The following ATG13 variants were observed in gnomAD, a reference collection of about 807,000 sequenced individuals.
ATG13 encodes the protein autophagy related 13.
ATG13 carries 23 observed loss-of-function variants against 65.5 expected under a neutral mutation model. The observed-to-expected ratio is 0.35, with a 90% confidence interval of 0.25 to 0.50. The LOEUF (loss-of-function observed/expected upper bound fraction) is 0.50, where lower values mean the gene tolerates loss of function less well. Among genes scored for constraint, ATG13 ranks in the 20% least tolerant of loss-of-function variants. ATG13 has a pLI of 0.98. For synonymous variants in ATG13, 252 were observed against 245.2 expected (o/e 1.03, Z -0.26); for missense variants, 566 against 677.0 (o/e 0.84, Z 1.82).
chr11:46,662,361 A>G (rs1388354024), intron 11 of ATG13, among the ~76,000 whole-genome samples: 1 of 152,242 alleles, frequency 6.6e-6, no homozygotes, highest in East Asian at 1.9e-4. Flanking sequence ...GGATGGTGAG[A>G]CTAGGCCTTA....
At chr11:46,618,090 C>T (rs1219401032) in intron 1 of ATG13, among the ~76,000 whole-genome samples, 200 bp downstream of exon 1, 1 of 152,190 alleles carries the variant, frequency 6.6e-6, no homozygotes, top group East Asian at 1.9e-4. Flanking sequence ...AGAGAATCCC[C>T]TCCACCCCAG....
intron 7 of ATG13, among the ~76,000 whole-genome samples, 179 bp downstream of exon 7, chr11:46,650,496 G>A (rs1434421386): frequency 2.6e-5 from 4 of 152,204 alleles, no homozygotes; most frequent in Non-Finnish European, 5.9e-5. Flanking sequence ...CCCTTCCAAA[G>A]CCACCAGGTT....
rs1054562482 is a variant in ATG13, at chr11:46,626,179, T to C, written c.-69-3866T>C. On this transcript the variant is annotated intron_variant, in intron 1 of 18. Transcript: ENST00000683050. ...ACCATGTTAGCCAGGATGGTCTTGATCTCCTGACCTTGTGATCCACCCGCC... is the reference window on the plus strand; with the variant it reads ...ACCATGTTAGCCAGGATGGTCTTGACCTCCTGACCTTGTGATCCACCCGCC... Among the ~76,000 whole-genome samples the C allele has an allele frequency of 2.0e-5, 3 of 152,082 alleles. No homozygotes were observed. In the East Asian group the frequency reaches 5.8e-4, roughly 29 times the overall value.
At chr11:46,661,820 G>C (rs976882242) in intron 11 of ATG13, among the ~76,000 whole-genome samples, 7 of 152,132 alleles carry the variant, frequency 4.6e-5, no homozygotes, top group Non-Finnish European at 8.8e-5. Flanking sequence ...GACAGAGCGA[G>C]ATCCTGTCTC....
intron 11 of ATG13, among the ~76,000 whole-genome samples, chr11:46,662,625 A>C (rs1399266376): frequency 6.6e-6 from 1 of 152,222 alleles, no homozygotes; most frequent in East Asian, 1.9e-4. Context: ...ACCTCTGATC[A>C]AGGCTGGTAC....
intron 1 of ATG13, among the ~76,000 whole-genome samples, chr11:46,622,190 T>C (rs2047946090): frequency 6.8e-6 from 1 of 148,020 alleles, no homozygotes; most frequent in African/African-American, 2.5e-5. Flanking sequence ...CAATCTTGGC[T>C]CACTGCAACC....
At chr11:46,661,640 T>A (rs1313047959) in intron 11 of ATG13, among the ~76,000 whole-genome samples, 1 of 151,924 alleles carries the variant, frequency 6.6e-6, no homozygotes, top group Non-Finnish European at 1.5e-5. Flanking sequence ...AAGACCAGCC[T>A]GGGCAACATG....
rs751493349 is a variant in ATG13 at position 46,667,928 on chromosome 11, T to TTA, written c.1251+41_1251+42insTA. On this transcript the variant is annotated intron_variant, in intron 15 of 18. Transcript: ENST00000683050. Reference sequence around the variant, plus strand: ...CTGCCACCTGTGAGAATGTCTGAGTTCTTAGAGTAAGGCCCCACAGGCAGT... The same window carrying TTA: ...CTGCCACCTGTGAGAATGTCTGAGTTTACTTAGAGTAAGGCCCCACAGGCAGT... 3 of 1,516,312 alleles carry TTA rather than the reference T, an allele frequency of 2.0e-6. No individual in the cohort carries two copies. In the East Asian group the frequency reaches 6.8e-5, roughly 35 times the overall value. 93.9% of individuals were successfully genotyped at this position (1,516,312 alleles called of 1,614,324 possible). A position where few individuals can be genotyped will look rare whatever the true frequency, so the allele number is the denominator to read the frequency against.
At chr11:46,654,528 C>T (rs897175328) in intron 7 of ATG13, among the ~76,000 whole-genome samples, 2 of 145,100 alleles carry the variant, frequency 1.4e-5, no homozygotes, top group Non-Finnish European at 1.5e-5. Context: ...CGATACCAGC[C>T]TGGGCAACAC....
chr11:46,626,546 G>A (rs1264081599), intron 1 of ATG13, among the ~76,000 whole-genome samples: 2 of 152,150 alleles, frequency 1.3e-5, no homozygotes, highest in Non-Finnish European at 2.9e-5. Flanking sequence ...CACTGCGCCC[G>A]GCCTGGGTAT....
At chr11:46,647,745 A>C (rs1358218798) in intron 5 of ATG13, among the ~76,000 whole-genome samples, 20 of 145,664 alleles carry the variant, frequency 1.4e-4, no homozygotes. Flanking sequence ...CTAATGTTTA[A>C]AAAAAAAAAA....
intron 6 of ATG13, among the ~76,000 whole-genome samples, 188 bp from the exon 7 acceptor site, chr11:46,649,989 C>T (rs527555178): frequency 1.3e-5 from 2 of 152,088 alleles, no homozygotes; most frequent in African/African-American, 4.8e-5. Context: ...ATATTGGGTG[C>T]CTTTTGGTGC....
chr11:46,634,289 G>C (rs962705921), intron 2 of ATG13, among the ~76,000 whole-genome samples: 1 of 151,636 alleles, frequency 6.6e-6, no homozygotes. Flanking sequence ...TAATAGAGAC[G>C]GGGTTTCACC....
intron 18 of ATG13, 72 bp downstream of exon 18, chr11:46,669,604 G>GCCTA (rs2063233551): frequency 6.5e-7 from 1 of 1,533,766 alleles, no homozygotes; most frequent in Admixed American, 1.9e-5. Context: ...GGCCTAGGAG[G>GCCTA]CCTACCACCT....
chr11:46,654,277 A>T (rs1027139422), intron 7 of ATG13, among the ~76,000 whole-genome samples: 1 of 121,358 alleles, frequency 8.2e-6, no homozygotes, highest in African/African-American at 3.4e-5. Context: ...TACTATTTTT[A>T]AAATTTTATA....
At chr11:46,655,141 T>C (rs185238365) in intron 7 of ATG13, among the ~76,000 whole-genome samples, 30 of 151,888 alleles carry the variant, frequency 2.0e-4, no homozygotes, top group Admixed American at 1.7e-3. Context: ...GGCTCACGCC[T>C]GTAATCCCAG....
intron 2 of ATG13, among the ~76,000 whole-genome samples, chr11:46,643,031 C>T (rs2056542625): frequency 1.3e-5 from 2 of 152,152 alleles, no homozygotes; most frequent in South Asian, 4.1e-4. Flanking sequence ...TGCCTAGGTT[C>T]AGAGTCAGGT....
intron 1 of ATG13, among the ~76,000 whole-genome samples, chr11:46,619,605 C>G (rs1038771433): frequency 6.6e-6 from 1 of 151,724 alleles, no homozygotes; most frequent in South Asian, 2.1e-4. Context: ...GCTGTTTGTT[C>G]TTGAACTCCC....
At position 46,668,841 on chromosome 11, in the gene ATG13, C is replaced by A; in HGVS notation, c.1377C>A (p.Ser459Arg). 6.2e-7 allele frequency: 1 copy of A among 1,614,028 alleles called. No individual in the cohort carries two copies. The highest frequency in any genetic ancestry group is 1.6e-4 in the Middle Eastern group (1 of 6,062). The change falls in exon 17 of 19, where the codon AGC becomes AGA. Residue 459 changes from serine to arginine, a missense_variant. Ser to Arg is a moderately radical substitution (Grantham distance 110). Transcript: ENST00000683050. Reference sequence around the variant, plus strand: ...AGACTGAATCTCCTCTCCAGGGCAGCCTGCACTCAGATGGCTCCAGCGGGG... The same window carrying A: ...AGACTGAATCTCCTCTCCAGGGCAGACTGCACTCAGATGGCTCCAGCGGGG... ...SPETESPLQG[S>R]LHSDGSSGGS...
Sources: gnomAD v4.1 joint callset for allele counts (sites outside exome capture counted in the v4.1 genomes callset) on GRCh38, gnomAD v4.1.1 for gene constraint, MANE v1.5 for transcripts, NCBI Gene and HGNC (gene_info 2026-07-23, HGNC 2026-07-21) for gene names.